The following NELL1 variants were observed in gnomAD, a reference collection of about 807,000 sequenced individuals.
The protein encoded by NELL1 is neural EGFL like 1.
In NELL1, 76 loss-of-function variants were observed where a neutral mutation model predicts 107.4. The ratio of observed to expected loss-of-function variants is 0.71; its 90% CI spans 0.59 to 0.86. NELL1 has a LOEUF of 0.86. Ranked by LOEUF, NELL1 falls within the 40% of genes least tolerant of loss-of-function variation. The pLI, the probability that NELL1 is intolerant of heterozygous loss-of-function variation, is 0.00. For synonymous variants in NELL1, 353 were observed against 341.2 expected (o/e 1.03, Z -0.38); for missense variants, 1,024 against 1,005.5 (o/e 1.02, Z -0.25).
At chr11:21,446,842 G>A (rs990049886) in intron 15 of NELL1, among the ~76,000 whole-genome samples, 1 of 152,228 alleles carries the variant, frequency 6.6e-6, no homozygotes, top group Non-Finnish European at 1.5e-5. Flanking sequence ...AGCCAGTCTT[G>A]TTCCTTCCTT....
chr11:21,076,936 C>T (rs1236842194), intron 12 of NELL1, among the ~76,000 whole-genome samples: 4 of 152,118 alleles, frequency 2.6e-5, no homozygotes, highest in Non-Finnish European at 5.9e-5. Context: ...GTTGCAGATG[C>T]CAACCTATGC....
At chr11:20,844,566 T>TGCTCACTA (rs1192838525) in intron 3 of NELL1, among the ~76,000 whole-genome samples, 1 of 152,136 alleles carries the variant, frequency 6.6e-6, no homozygotes, top group Non-Finnish European at 1.5e-5. Flanking sequence ...AGGGGTAGAT[T>TGCTCACTA]GCTCACTAGA....
chr11:20,868,526 G>T (rs10766735), intron 4 of NELL1, among the ~76,000 whole-genome samples: 129,175 of 152,182 alleles, frequency 0.85, 54,857 homozygotes, highest in East Asian at 0.95. Context: ...TAAAAATGGT[G>T]AAATGGTAAT....
intron 3 of NELL1, among the ~76,000 whole-genome samples, chr11:20,812,541 ATTC>A (rs1274171723): frequency 6.6e-6 from 1 of 152,208 alleles, no homozygotes; most frequent in Admixed American, 6.5e-5. Context: ...ATTGGTATTA[ATTC>A]TTCTTTATAC....
chr11:21,574,860 C>T, intron 19 of NELL1, 112 bp from the exon 20 acceptor site: 14 of 826,264 alleles, frequency 1.7e-5, no homozygotes, highest in Admixed American at 2.3e-5. Context: ...TTTTTATAGC[C>T]TTCTTGAAGT....
chr11:21,204,000 C>A (rs956223774), intron 13 of NELL1, among the ~76,000 whole-genome samples: 4 of 152,128 alleles, frequency 2.6e-5, no homozygotes, highest in African/African-American at 9.7e-5. Flanking sequence ...GATGGGCTTC[C>A]CTTTGTGGGT....
Position 21,235,978 on chromosome 11 carries a change from C to T in NELL1, c.1549+6524C>T, listed in dbSNP as rs142351987. Among the ~76,000 whole-genome samples, 271 of 152,258 alleles carry T rather than the reference C, an allele frequency of 1.8e-3. 1 individual carries two copies. Among genetic ancestry groups the T allele is most frequent in the African/African-American group, 6.3e-3 (260 of 41,574 alleles). On this transcript the variant is annotated intron_variant, in intron 14 of 19. Transcript: ENST00000357134. Reference sequence around the variant, plus strand: ...CATATGAATAGTTTGAACCTCATCTCTTATGATATCATCTTTCCCCATTAC... The same window carrying T: ...CATATGAATAGTTTGAACCTCATCTTTTATGATATCATCTTTCCCCATTAC...
At chr11:21,151,370 A>C (rs1856113049) in intron 13 of NELL1, among the ~76,000 whole-genome samples, 2 of 152,100 alleles carry the variant, frequency 1.3e-5, no homozygotes, top group Non-Finnish European at 2.9e-5. Flanking sequence ...CATCCCAGGG[A>C]CTTCTGATCG....
intron 14 of NELL1, among the ~76,000 whole-genome samples, chr11:21,342,381 C>T (rs1458537284): frequency 7.0e-6 from 1 of 142,896 alleles, no homozygotes; most frequent in Non-Finnish European, 1.5e-5. Flanking sequence ...TGGCTTGTGC[C>T]TGTAATCCCA....
rs1200754595 is a variant in NELL1, at chr11:20,862,551, A to G, written c.506+14798A>G. ...AAAGGTATCGTGTCATCTATACAGC[A>G]TCATAGTAACGTACAGAATAGTTTC... On this transcript the variant is annotated intron_variant, in intron 4 of 19. Coordinates refer to ENST00000357134, the MANE Select transcript of NELL1 (RefSeq NM_006157.5). Among the ~76,000 whole-genome samples the G allele has an allele frequency of 4.6e-5, 7 of 150,894 alleles. No individual in the cohort carries two copies. The East Asian group carries it at 1.4e-3, about 29-fold the overall frequency.
At chr11:21,403,253 T>C (rs1424389639) in intron 15 of NELL1, among the ~76,000 whole-genome samples, 3 of 151,644 alleles carry the variant, frequency 2.0e-5, no homozygotes, top group Non-Finnish European at 4.4e-5. Context: ...TGAGGTCTCA[T>C]GGGGCACAAA....
Position 21,337,805 on chromosome 11 carries a change from T to C in NELL1, c.1550-33048T>C, listed in dbSNP as rs1192808600. On this transcript the variant is annotated intron_variant, in intron 14 of 19. Transcript: ENST00000357134. ...CTTTCTTTCTTTCTTTCCTTCTTTC[T>C]TTCTTGCTTTCCTTCTTTCTTTCTT... Among the ~76,000 whole-genome samples the C allele has an allele frequency of 1.8e-3, 127 of 70,858 alleles. No homozygotes were observed. In the South Asian group the frequency reaches 0.026, roughly 14 times the overall value. The allele number at this position is 70,858 out of a possible 152,430, so 46.5% of individuals were successfully genotyped here.
intron 12 of NELL1, among the ~76,000 whole-genome samples, chr11:20,967,278 G>A (rs973439220): frequency 1.3e-5 from 2 of 152,046 alleles, no homozygotes; most frequent in African/African-American, 4.8e-5. Context: ...AGATTGTATA[G>A]GAGAAATGGG....
At chr11:21,193,169 T>C (rs1283715019) in intron 13 of NELL1, among the ~76,000 whole-genome samples, 1 of 151,806 alleles carries the variant, frequency 6.6e-6, no homozygotes. Flanking sequence ...AAAATTTAGA[T>C]TGAGTAGGTA....
At chr11:21,374,908 TGTGTGTG>T (rs1200430139) in intron 15 of NELL1, among the ~76,000 whole-genome samples, 2 of 151,554 alleles carry the variant, frequency 1.3e-5, no homozygotes, top group Non-Finnish European at 1.5e-5. Context: ...TGTGTGTGTG[TGTGTGTG>T]TGTGTGTGTG....
At chr11:21,362,617 C>T (rs1851103222) in intron 14 of NELL1, among the ~76,000 whole-genome samples, 1 of 152,154 alleles carries the variant, frequency 6.6e-6, no homozygotes, top group Non-Finnish European at 1.5e-5. Flanking sequence ...GTTGGTTGGC[C>T]TCCAGCCAAG....
At chr11:21,374,828 G>A (rs112042051) in intron 15 of NELL1, among the ~76,000 whole-genome samples, 2,371 of 151,478 alleles carry the variant, frequency 0.016, 57 homozygotes, top group African/African-American at 0.053. Flanking sequence ...CTTATCTGAC[G>A]TTGAACAGCC....
chr11:21,389,733 C>T (rs781759804), intron 15 of NELL1, among the ~76,000 whole-genome samples: 1 of 151,736 alleles, frequency 6.6e-6, no homozygotes, highest in Non-Finnish European at 1.5e-5. Flanking sequence ...AAGATTTATT[C>T]ATGCTGTGAA....
At chr11:20,929,835 G>T (rs1682821955) in intron 9 of NELL1, among the ~76,000 whole-genome samples, 1 of 152,060 alleles carries the variant, frequency 6.6e-6, no homozygotes, top group Non-Finnish European at 1.5e-5. Context: ...AGCTGGGTGT[G>T]GTGGTGGGCA....
Sources: allele counts gnomAD v4.1 joint callset (sites outside exome capture counted in the v4.1 genomes callset), GRCh38; gene constraint gnomAD v4.1.1; transcripts MANE v1.5; gene names NCBI Gene and HGNC (gene_info 2026-07-23, HGNC 2026-07-21).